The following SLC24A4 variants were observed in gnomAD, a reference collection of about 807,000 sequenced individuals.
SLC24A4 encodes solute carrier family 24 member 4.
In SLC24A4, 53 loss-of-function variants were observed where a neutral mutation model predicts 79.0. The ratio of observed to expected loss-of-function variants is 0.67; its 90% CI spans 0.54 to 0.84. The LOEUF (loss-of-function observed/expected upper bound fraction) is 0.84. Ranked by LOEUF, SLC24A4 falls within the 40% of genes least tolerant of loss-of-function variation. The probability of loss-of-function intolerance (pLI) is 0.00; values close to 1 mark genes in which losing one functional copy is unlikely to be tolerated. For missense variants in SLC24A4, 731 were observed against 822.0 expected (o/e 0.89, Z 1.35); for synonymous variants, 323 against 323.8 (o/e 1.00, Z 0.03).
At chr14:92,343,580 TTTTCTTTCTTTCTTTCTTTCTTTCTTTC>T (rs376436087) in intron 2 of SLC24A4, among the ~76,000 whole-genome samples, 2 of 85,106 alleles carry the variant, frequency 2.4e-5, no homozygotes, top group African/African-American at 8.7e-5. Flanking sequence ...TTAATTACTG[TTTTCTTTCTTTCTTTCTTTCTTTCTTTC>T]TTTCTTTCTT....
chr14:92,440,887 C>G (rs1892453174), intron 4 of SLC24A4, among the ~76,000 whole-genome samples: 1 of 151,388 alleles, frequency 6.6e-6, no homozygotes, highest in African/African-American at 2.4e-5. Flanking sequence ...GAAGGGCATC[C>G]CAGGCGGAAG....
chr14:92,492,959 A>AACACACACACACACACACACACAC (rs551206469), intron 16 of SLC24A4: 1 of 291,526 alleles, frequency 3.4e-6, no homozygotes, highest in African/African-American at 3.0e-5. Context: ...CTCTACCCCA[A>AACACACACACACACACACACACAC]ACACACACAC....
intron 2 of SLC24A4, among the ~76,000 whole-genome samples, chr14:92,338,147 T>G (rs1390049329): frequency 6.6e-6 from 1 of 152,210 alleles, no homozygotes; most frequent in East Asian, 1.9e-4. Flanking sequence ...AAGTCCTTTC[T>G]GTTAGTGATG....
intron 8 of SLC24A4, among the ~76,000 whole-genome samples, chr14:92,446,638 C>T (rs554914126): frequency 6.6e-6 from 1 of 152,306 alleles, no homozygotes; most frequent in East Asian, 1.9e-4. Flanking sequence ...GGCAGTGGTT[C>T]CATGATCTGG....
rs140808063 is a variant in SLC24A4, at chr14:92,343,800, T to A, written c.241+17822T>A. ...TCACTGCATCCTCCGCCTCCCAGGT[T>A]CAAGGGATTCTCCTGTCTCAGTCTC... On this transcript the variant is annotated intron_variant, in intron 2 of 16. Coordinates refer to ENST00000532405, the MANE Select transcript of SLC24A4 (RefSeq NM_153646.4). 6.7e-3 allele frequency among the ~76,000 whole-genome samples: 1,020 copies of A among 151,886 alleles called. 6 individuals are homozygous for A. The highest frequency in any genetic ancestry group is 7.3e-3 in the Non-Finnish European group (493 of 67,968).
chr14:92,371,464 C>T (rs1235150039), intron 2 of SLC24A4, among the ~76,000 whole-genome samples: 2 of 152,262 alleles, frequency 1.3e-5, no homozygotes, highest in South Asian at 2.1e-4. Flanking sequence ...TAAAACCCAC[C>T]TACATAATAA....
chr14:92,340,819 T>A (rs894428210), intron 2 of SLC24A4, among the ~76,000 whole-genome samples: 1 of 152,264 alleles, frequency 6.6e-6, no homozygotes, highest in East Asian at 1.9e-4. Context: ...TTACATTTTT[T>A]AGATCAGTAG....
At chr14:92,392,111 G>T (rs1180912282) in intron 2 of SLC24A4, among the ~76,000 whole-genome samples, 1 of 151,696 alleles carries the variant, frequency 6.6e-6, no homozygotes, top group Non-Finnish European at 1.5e-5. Flanking sequence ...CCTTCCCGGG[G>T]CCCTATTGAT....
intron 2 of SLC24A4, among the ~76,000 whole-genome samples, chr14:92,391,907 G>A (rs1566735078): frequency 1.3e-5 from 2 of 152,266 alleles, no homozygotes; most frequent in Admixed American, 6.5e-5. Context: ...AGATGATGGC[G>A]ACCTCAGCCA....
intron 3 of SLC24A4, among the ~76,000 whole-genome samples, chr14:92,434,374 A>G (rs944760389): frequency 3.9e-5 from 6 of 152,160 alleles, no homozygotes; most frequent in African/African-American, 1.4e-4. Flanking sequence ...ACTACCCCTA[A>G]ATTTTAATAC....
intron 2 of SLC24A4, among the ~76,000 whole-genome samples, chr14:92,339,449 T>C (rs1886001293): frequency 6.6e-6 from 1 of 152,166 alleles, no homozygotes. Flanking sequence ...TGAGGGTAGA[T>C]GGTGGTGGTC....
chr14:92,418,143 C>G (rs1891082428), intron 2 of SLC24A4, among the ~76,000 whole-genome samples: 1 of 152,194 alleles, frequency 6.6e-6, no homozygotes, highest in Non-Finnish European at 1.5e-5. Context: ...TGAGGCTACT[C>G]AGGGAATAGC....
rs140810671 is a variant in SLC24A4 at position 92,329,179 on chromosome 14, C to T, written c.241+3201C>T. On this transcript the variant is annotated intron_variant, in intron 2 of 16. Coordinates refer to ENST00000532405, the MANE Select transcript of SLC24A4 (RefSeq NM_153646.4). ...TCTGCTGGATGAGGCCTTTCAGGGACGTCAGAAGATGGAGCTTTAAGAGCT... is the reference window on the plus strand; with the variant it reads ...TCTGCTGGATGAGGCCTTTCAGGGATGTCAGAAGATGGAGCTTTAAGAGCT... 3.4e-3 allele frequency among the ~76,000 whole-genome samples: 512 copies of T among 152,352 alleles called. 1 individual carries two copies. Among genetic ancestry groups the T allele is most frequent in the African/African-American group, 0.012 (502 of 41,586 alleles).
At position 92,490,991 on chromosome 14, in the gene SLC24A4, T is replaced by A. The variant is rs1271599453; in HGVS notation, c.1538-674T>A. Among the ~76,000 whole-genome samples the A allele has an allele frequency of 6.6e-6, 1 of 152,218 alleles. No homozygotes were observed. The highest frequency in any genetic ancestry group is 2.4e-5 in the African/African-American group (1 of 41,466). Reference sequence around the variant, plus strand: ...GTTTTCTCCTTTTTATAAGGATTCTTGTGTCCTGAAAGAACCTCCTTAAAA... The same window carrying A: ...GTTTTCTCCTTTTTATAAGGATTCTAGTGTCCTGAAAGAACCTCCTTAAAA... On this transcript the variant is annotated intron_variant, in intron 14 of 16. Transcript: ENST00000532405. This position sits in a 1 kb window ranked among gnomAD's most constrained non-coding sequence, Gnocchi z 4.3.
At chr14:92,454,110 A>T (rs969589659) in intron 11 of SLC24A4, 41 bp downstream of exon 11, 17 of 1,590,018 alleles carry the variant, frequency 1.1e-5, no homozygotes, top group Non-Finnish European at 1.5e-5. Context: ...GCAGCCTTGG[A>T]TGCAGGAGGC....
intron 2 of SLC24A4, among the ~76,000 whole-genome samples, chr14:92,400,035 G>A (rs907749245): frequency 1.6e-4 from 24 of 152,102 alleles, no homozygotes; most frequent in African/African-American, 5.6e-4. Flanking sequence ...GATTACAGGC[G>A]TGAGCAACTG....
rs1369218766 is a variant in SLC24A4, at chr14:92,497,184, A to G, written c.*3556A>G. On this transcript the variant is annotated 3_prime_UTR_variant, in exon 17 of 17. Transcript: ENST00000532405. ...TTTGCCCCTGTCGGTCCCCTGCCTT[A>G]ACAGACCTAAGCAGCTGATAATGCA... 1.3e-5 allele frequency: 2 copies of G among 152,304 alleles called. No homozygotes were observed. The highest frequency in any genetic ancestry group is 2.9e-5 in the Non-Finnish European group (2 of 68,148). 9.4% of individuals were successfully genotyped at this position (152,304 alleles called of 1,614,324 possible). A position where few individuals can be genotyped will look rare whatever the true frequency, so the allele number is the denominator to read the frequency against.
intron 2 of SLC24A4, among the ~76,000 whole-genome samples, chr14:92,344,085 C>T (rs942660237): frequency 2.0e-5 from 3 of 152,160 alleles, no homozygotes; most frequent in Non-Finnish European, 2.9e-5. Flanking sequence ...GGGGATGTGA[C>T]TTGCATTATA....
In SLC24A4 at chr14:92,490,335, T is replaced by A. The variant is rs970235929; in HGVS notation, c.1538-1330T>A. On this transcript the variant is annotated intron_variant, in intron 14 of 16. Transcript: ENST00000532405. The surrounding 1 kb of genome is among the most constrained non-coding windows in gnomAD (Gnocchi z 4.3). The stretch of plus-strand genomic sequence containing the variant: ...AGTACGAGTCTTACTTACAAAAGTT[T>A]GCTTTCTTAATTATATGCCTCTCCA... 8.5e-5 allele frequency among the ~76,000 whole-genome samples: 13 copies of A among 152,094 alleles called. No individual in the cohort carries two copies. Among genetic ancestry groups the A allele is most frequent in the African/African-American group, 3.1e-4 (13 of 41,398 alleles).
Sources: allele counts gnomAD v4.1 joint callset (sites outside exome capture counted in the v4.1 genomes callset), GRCh38; gene constraint gnomAD v4.1.1; non-coding constraint Gnocchi (gnomAD v3.1); transcripts MANE v1.5; gene names NCBI Gene and HGNC (gene_info 2026-07-23, HGNC 2026-07-21).